KIF13B: variants seen among roughly 807,000 people sequenced by gnomAD.
KIF13B encodes the protein kinesin-like protein KIF13B.
In KIF13B, 127 loss-of-function variants were observed where a neutral mutation model predicts 222.0. The observed-to-expected ratio is 0.57, with a 90% CI of 0.50 to 0.66. The LOEUF (loss-of-function observed/expected upper bound fraction) is 0.66, where lower values mean the gene tolerates loss of function less well. Among genes scored for constraint, KIF13B ranks in the 30% least tolerant of loss-of-function variants. The pLI is 0.00. For synonymous variants in KIF13B, 976 were observed against 919.0 expected, an observed-to-expected ratio of 1.06 and a Z score of -1.12; for missense variants, 2,173 against 2,379.0, an observed-to-expected ratio of 0.91 and a Z score of 1.80.
rs537017741 is a variant in KIF13B, at chr8:29,070,689, G to T, written c.5296C>A (p.Arg1766=). ...PGYGLLVRPS[R]VRRATGPVRR... is the part of the protein sequence containing the mutation. ...ACAGGGCCCGTGGCCCTGCGGACCC[G>T]GCTGGGCCTGACCAGCAGCCCGTAG... The change falls in exon 40 of 40, where the codon CGG becomes AGG. Residue 1766 remains arginine (R), a synonymous_variant. Coordinates refer to ENST00000524189, the MANE Select transcript of KIF13B (RefSeq NM_015254.4). This position sits in a 1 kb window ranked among gnomAD's most constrained non-coding sequence, Gnocchi z 4.1. 1.3e-6 allele frequency: 2 copies of T among 1,560,822 alleles called. No homozygotes were observed. Among genetic ancestry groups the T allele is most frequent in the Non-Finnish European group, 1.7e-6 (2 of 1,152,938 alleles).
At chr8:29,090,638 G>C (rs1808255760) in intron 37 of KIF13B, among the ~76,000 whole-genome samples, 1 of 152,164 alleles carries the variant, frequency 6.6e-6, no homozygotes, top group Non-Finnish European at 1.5e-5. Flanking sequence ...AAACCAACTG[G>C]AATGTTCTGG....
At chr8:29,223,566 T>C (rs1814866411) in intron 2 of KIF13B, among the ~76,000 whole-genome samples, 1 of 152,192 alleles carries the variant, frequency 6.6e-6, no homozygotes. Flanking sequence ...TAATCTGCAA[T>C]AAAATTTAAC....
intron 6 of KIF13B, among the ~76,000 whole-genome samples, chr8:29,183,372 G>A (rs559179320): frequency 2.0e-5 from 3 of 151,970 alleles, no homozygotes; most frequent in Admixed American, 6.6e-5. Flanking sequence ...GGCTGGTCTC[G>A]AACTCCTGAC....
chr8:29,070,656 G>A lies in KIF13B; in HGVS notation c.5329C>T (p.Arg1777Cys), dbSNP rs552142818. Residue 1777 changes from arginine to cysteine, a missense_variant, in exon 40 of 40, where the codon CGC (arginine) becomes TGC (cysteine). By Grantham distance (180) the Arg-to-Cys change is radical. This residue lies in a region of KIF13B where 693 missense variants were observed against 656.2 expected (regional missense o/e 1.06). Coordinates refer to ENST00000524189, the MANE Select transcript of KIF13B (RefSeq NM_015254.4). The surrounding 1 kb of genome is among the most constrained non-coding windows in gnomAD (Gnocchi z 4.1). The part of the protein sequence containing the change: ...VRRATGPVRR[R>C]STGLRLGAPE... ...GCACCCAGCCGGAGTCCTGTGCTGC[G>A]CCGCCGCACAGGGCCCGTGGCCCTG... is the stretch of plus-strand genomic sequence containing the variant. 1.4e-4 allele frequency: 212 copies of A among 1,562,958 alleles called. 2 individuals are homozygous for A. In the Admixed American group the frequency reaches 2.1e-3, roughly 15 times the overall value.
At chr8:29,079,832 C>G (rs985441517) in intron 37 of KIF13B, among the ~76,000 whole-genome samples, 3 of 152,046 alleles carry the variant, frequency 2.0e-5, no homozygotes, top group Admixed American at 2.0e-4. Flanking sequence ...AAACACTAAC[C>G]AATGATTTAA....
intron 2 of KIF13B, among the ~76,000 whole-genome samples, chr8:29,216,151 C>T (rs1284523751): frequency 6.6e-6 from 1 of 152,074 alleles, no homozygotes; most frequent in East Asian, 1.9e-4. Context: ...AACTGCTAAA[C>T]GTCAAATACC....
In KIF13B at chr8:29,196,190, C is replaced by T. The variant is rs371957021; in HGVS notation, c.159G>A (p.Pro53=). The T allele has an allele frequency of 1.2e-5, 18 of 1,565,190 alleles. No homozygotes were observed. The highest frequency in any genetic ancestry group is 1.5e-5 in the Non-Finnish European group (17 of 1,154,114). Reference sequence around the variant, plus strand: ...CATAACAAACCAAATCTCTTACCTTCGGCTGGCCCCTGAGCTCCCAAAACA... The same window carrying T: ...CATAACAAACCAAATCTCTTACCTTTGGCTGGCCCCTGAGCTCCCAAAACA... ...NLSKGDARGQ[P]KVFAYDHCFW... is the part of the protein sequence containing the mutation. The change falls in exon 3 of 40, where the codon CCG becomes CCA. Residue 53 remains proline, a synonymous_variant. Transcript: ENST00000524189.
At chr8:29,201,260 T>C (rs1443549236) in intron 2 of KIF13B, among the ~76,000 whole-genome samples, 1 of 152,230 alleles carries the variant, frequency 6.6e-6, no homozygotes, top group African/African-American at 2.4e-5. Context: ...ACAATATGGC[T>C]GCATATCTGG....
At chr8:29,184,094 C>T (rs549925697) in intron 6 of KIF13B, among the ~76,000 whole-genome samples, 2 of 152,106 alleles carry the variant, frequency 1.3e-5, no homozygotes, top group East Asian at 3.9e-4. Flanking sequence ...TTACTTCTCG[C>T]CCAGGATATA....
intron 32 of KIF13B, 54 bp from the exon 33 acceptor site, chr8:29,110,124 C>A (rs562563058): frequency 1.4e-6 from 2 of 1,392,048 alleles, no homozygotes; most frequent in African/African-American, 1.4e-5. Flanking sequence ...CACACACACA[C>A]GTACACGCGT....
chr8:29,166,643 G>A (rs1161859797), intron 11 of KIF13B, among the ~76,000 whole-genome samples: 3 of 148,422 alleles, frequency 2.0e-5, no homozygotes, highest in Admixed American at 6.9e-5. Context: ...GGCAGAGGTT[G>A]CAGTGAGCTG....
At chr8:29,125,094 TA>T (rs1810049451) in intron 26 of KIF13B, among the ~76,000 whole-genome samples, 1 of 152,154 alleles carries the variant, frequency 6.6e-6, no homozygotes, top group Non-Finnish European at 1.5e-5. Context: ...TTATGTACCT[TA>T]GAATAATCAG....
intron 2 of KIF13B, among the ~76,000 whole-genome samples, chr8:29,229,470 A>G (rs948452803): frequency 1.3e-5 from 2 of 152,208 alleles, no homozygotes; most frequent in Non-Finnish European, 2.9e-5. Context: ...ATGTCATGAG[A>G]ACTTATACTC....
chr8:29,250,917 A>C (rs757224094), intron 1 of KIF13B, among the ~76,000 whole-genome samples: 55 of 152,192 alleles, frequency 3.6e-4, no homozygotes, highest in Non-Finnish European at 7.2e-4. Context: ...GCCACTGAAA[A>C]CTTCTTGCTG....
chr8:29,147,628 A>G, intron 16 of KIF13B, 26 bp from the exon 17 acceptor site: 2 of 1,512,610 alleles, frequency 1.3e-6, no homozygotes, highest in East Asian at 2.2e-5. Flanking sequence ...AAAAAGATAC[A>G]TGATCGAGAG....
chr8:29,076,893 T>C (rs1807587109), intron 37 of KIF13B, among the ~76,000 whole-genome samples: 2 of 152,064 alleles, frequency 1.3e-5, no homozygotes, highest in Admixed American at 1.3e-4. Context: ...GAGAATCACT[T>C]AAGCCCAGGA....
Position 29,070,577 on chromosome 8 carries a change from G to A in KIF13B, c.5408C>T (p.Ser1803Leu), listed in dbSNP as rs773872653. The A allele has an allele frequency of 1.8e-5, 29 of 1,604,104 alleles. No individual in the cohort carries two copies. Among genetic ancestry groups the A allele is most frequent in the African/African-American group, 5.4e-5 (4 of 74,762 alleles). ...GGCCTTGGCCAGGGCAGCTGTCAGC[G>A]AGGCCAGGTTGGTGGCGGAGCCCGA... ...TLSGSATNLA[S>L]LTAALAKADR... The change falls in exon 40 of 40, where the codon TCG becomes TTG. Residue 1803 changes from serine to leucine, a missense_variant. Coordinates refer to ENST00000524189, the MANE Select transcript of KIF13B (RefSeq NM_015254.4). The surrounding 1 kb of genome is among the most constrained non-coding windows in gnomAD (Gnocchi z 4.1).
chr8:29,249,939 A>G (rs1236647938), intron 1 of KIF13B: 2 of 840,444 alleles, frequency 2.4e-6, no homozygotes, highest in African/African-American at 1.7e-5. Flanking sequence ...ATGCTGCAAG[A>G]AAGTCTCAGC....
rs542491198 is a variant in KIF13B at position 29,215,156 on chromosome 8, G to A, written c.150-18957C>T. On this transcript the variant is annotated intron_variant, in intron 2 of 39. Transcript: ENST00000524189. ...TCATGAAGCCCTGTCTTCTGAGTTA[G>A]GCTAACATCCTGGAGGAAACATGTT... 2.0e-5 allele frequency among the ~76,000 whole-genome samples: 3 copies of A among 152,110 alleles called. No individual in the cohort carries two copies. The East Asian group carries it at 5.8e-4, about 29-fold the overall frequency.
Sources: gnomAD v4.1 joint callset for allele counts (sites outside exome capture counted in the v4.1 genomes callset) on GRCh38, gnomAD v4.1.1 for gene constraint, gnomAD v4.1.1 regional missense constraint, Gnocchi (gnomAD v3.1) non-coding constraint, MANE v1.5 for transcripts, NCBI Gene and HGNC (gene_info 2026-07-23, HGNC 2026-07-21) for gene names.